Variants in SUPT3H observed in about 807,000 individuals in gnomAD.
SUPT3H encodes the protein SPT3 homolog, SAGA and STAGA complex component, also known as transcription initiation protein SPT3 homolog.
A neutral mutation model predicts 44.3 loss-of-function variants in SUPT3H; 44 were observed. That is an observed-to-expected ratio of 0.99 (90% confidence interval 0.78 to 1.28). The LOEUF (loss-of-function observed/expected upper bound fraction) is 1.28. Ranked by LOEUF, SUPT3H falls within the 50% of genes most tolerant of loss-of-function variation. The probability of loss-of-function intolerance (pLI) is 0.00; values close to 1 mark genes in which losing one functional copy is unlikely to be tolerated. For synonymous variants in SUPT3H, 124 were observed against 125.6 expected, an observed-to-expected ratio of 0.99 and a Z score of 0.09; for missense variants, 380 against 387.1, an observed-to-expected ratio of 0.98 and a Z score of 0.15.
intron 3 of SUPT3H, among the ~76,000 whole-genome samples, chr6:45,030,403 C>G (rs190399881): frequency 5.9e-4 from 90 of 152,290 alleles, no homozygotes; most frequent in Admixed American, 1.4e-3. Context: ...CCCTTCTGTT[C>G]ACATTTGTAA....
At chr6:45,274,802 T>C (rs1310284563) in intron 2 of SUPT3H, among the ~76,000 whole-genome samples, 3 of 152,164 alleles carry the variant, frequency 2.0e-5, no homozygotes, top group Non-Finnish European at 4.4e-5. Context: ...GAGCATCACC[T>C]GAGCCCAGGA....
chr6:44,832,900 T>G (rs1244508547), intron 10 of SUPT3H, among the ~76,000 whole-genome samples: 1 of 152,126 alleles, frequency 6.6e-6, no homozygotes, highest in Non-Finnish European at 1.5e-5. Flanking sequence ...GAGAAAACAT[T>G]TAAATCCCAT....
chr6:45,351,496 G>A (rs1289926991), intron 2 of SUPT3H, among the ~76,000 whole-genome samples: 1 of 152,114 alleles, frequency 6.6e-6, no homozygotes, highest in Non-Finnish European at 1.5e-5. Flanking sequence ...AGTTACCACA[G>A]CACACAGAAA....
At chr6:44,905,065 C>G (rs1198849883) in intron 10 of SUPT3H, among the ~76,000 whole-genome samples, 1 of 152,042 alleles carries the variant, frequency 6.6e-6, no homozygotes, top group Non-Finnish European at 1.5e-5. Flanking sequence ...ACCATAAAAA[C>G]CCTAGAAGAA....
At chr6:44,882,969 C>T (rs1778499760) in intron 10 of SUPT3H, among the ~76,000 whole-genome samples, 2 of 152,142 alleles carry the variant, frequency 1.3e-5, no homozygotes, top group South Asian at 4.1e-4. Context: ...CTTCTTAAAA[C>T]CAGTGCAAGA....
At chr6:44,959,894 T>G (rs1775759749) in intron 7 of SUPT3H, among the ~76,000 whole-genome samples, 1 of 152,122 alleles carries the variant, frequency 6.6e-6, no homozygotes. Flanking sequence ...CTCTGACGAG[T>G]GCAGGAATAG....
chr6:44,867,551 C>T (rs927596657), intron 10 of SUPT3H, among the ~76,000 whole-genome samples: 4 of 144,444 alleles, frequency 2.8e-5, no homozygotes, highest in Non-Finnish European at 6.2e-5. Context: ...CTGTCTCTTT[C>T]TAGCAAGTTT....
In SUPT3H at chr6:44,828,931, A is replaced by C. The variant is rs993654077; in HGVS notation, c.*885T>G. 6.6e-6 allele frequency: 1 copy of C among 152,602 alleles called. No homozygotes were observed. Among genetic ancestry groups the C allele is most frequent in the African/African-American group, 2.4e-5 (1 of 41,444 alleles). The allele number at this position is 152,602 out of a possible 1,614,324, so 9.5% of individuals were successfully genotyped here. A position where few individuals can be genotyped will look rare whatever the true frequency, so the allele number is the denominator to read the frequency against. On this transcript the variant is annotated 3_prime_UTR_variant, in exon 11 of 11. Coordinates refer to ENST00000371459, the MANE Select transcript of SUPT3H (RefSeq NM_003599.4). Reference sequence around the variant, plus strand: ...TTGTTCCAAAGAGTTACGGTTCCTCATTTACTGGAGAAAGTATAGATGCCA... The same window carrying C: ...TTGTTCCAAAGAGTTACGGTTCCTCCTTTACTGGAGAAAGTATAGATGCCA...
intron 10 of SUPT3H, among the ~76,000 whole-genome samples, chr6:44,853,620 A>G (rs914268324): frequency 7.2e-5 from 11 of 152,208 alleles, no homozygotes; most frequent in African/African-American, 2.7e-4. Context: ...AACAGGAGAA[A>G]AAAACTTAAT....
At chr6:44,927,217 T>A (rs1194560475) in intron 10 of SUPT3H, among the ~76,000 whole-genome samples, 2 of 152,096 alleles carry the variant, frequency 1.3e-5, no homozygotes, top group East Asian at 3.8e-4. Flanking sequence ...AGTAACAATA[T>A]TAGAATAATC....
chr6:45,225,820 C>T (rs1766839978), intron 2 of SUPT3H, among the ~76,000 whole-genome samples: 2 of 151,904 alleles, frequency 1.3e-5, no homozygotes, highest in Admixed American at 1.3e-4. Flanking sequence ...AAGCACAATC[C>T]CAAAAGACCT....
intron 2 of SUPT3H, among the ~76,000 whole-genome samples, chr6:45,287,320 T>C (rs1270876756): frequency 6.6e-6 from 1 of 152,150 alleles, no homozygotes; most frequent in Non-Finnish European, 1.5e-5. Flanking sequence ...CTGATGTTCA[T>C]AACACCATTA....
At chr6:44,887,675 C>T (rs1303986544) in intron 10 of SUPT3H, among the ~76,000 whole-genome samples, 2 of 151,062 alleles carry the variant, frequency 1.3e-5, no homozygotes, top group East Asian at 3.9e-4. Context: ...AGGAAAGATC[C>T]AAAATTGACA....
chr6:44,812,673 T>G (rs1766613047), intron 11 of SUPT3H, among the ~76,000 whole-genome samples: 1 of 152,160 alleles, frequency 6.6e-6, no homozygotes, highest in African/African-American at 2.4e-5. Flanking sequence ...GGCCAGGACT[T>G]GAGAGAATAA....
intron 2 of SUPT3H, among the ~76,000 whole-genome samples, chr6:45,304,646 G>T (rs56243649): frequency 0.15 from 22,830 of 151,800 alleles, 1,962 homozygotes; most frequent in East Asian, 0.26. Flanking sequence ...AGGAATACAG[G>T]GTGAGAAAAT....
rs530569769 is a variant in SUPT3H at position 45,224,607 on chromosome 6, G to A, written c.102-118601C>T. The stretch of plus-strand genomic sequence containing the variant: ...AGCCTGGCCAAGATGGTGAAATCTC[G>A]TCTCTACTAAAAATACAAAAATCAG... On this transcript the variant is annotated intron_variant, in intron 2 of 10. Transcript: ENST00000371459. Among the ~76,000 whole-genome samples the A allele has an allele frequency of 7.9e-5, 12 of 151,910 alleles. No individual in the cohort carries two copies. In the South Asian group the frequency reaches 1.0e-3, roughly 13 times the overall value.
intron 2 of SUPT3H, among the ~76,000 whole-genome samples, chr6:45,187,101 T>TAAAAAAAAAAA (rs70996308): frequency 7.5e-5 from 6 of 79,842 alleles, no homozygotes; most frequent in African/African-American, 2.8e-4. Context: ...TTTTCGCCTT[T>TAAAAAAAAAAA]AAAAAAAAAA....
At chr6:44,952,443 A>C (rs1264386196) in intron 9 of SUPT3H, among the ~76,000 whole-genome samples, 1 of 152,248 alleles carries the variant, frequency 6.6e-6, no homozygotes, top group Non-Finnish European at 1.5e-5. Flanking sequence ...GATATTTAAC[A>C]AGGAGTAGAA....
At chr6:44,837,249 G>C (rs576107970) in intron 10 of SUPT3H, among the ~76,000 whole-genome samples, 1 of 152,108 alleles carries the variant, frequency 6.6e-6, no homozygotes, top group Non-Finnish European at 1.5e-5. Context: ...TTCTCATTTC[G>C]CTTGAGTAAC....
Sources: allele counts gnomAD v4.1 joint callset (sites outside exome capture counted in the v4.1 genomes callset), GRCh38; gene constraint gnomAD v4.1.1; transcripts MANE v1.5; gene names NCBI Gene and HGNC (gene_info 2026-07-23, HGNC 2026-07-21).